DHRSX: variants seen among roughly 807,000 people sequenced by gnomAD.
The protein encoded by DHRSX is dehydrogenase/reductase X-linked.
Under a neutral mutation model 34.0 loss-of-function variants are expected in DHRSX, and 31 were observed. The ratio of observed to expected loss-of-function variants is 0.91; its 90% CI spans 0.69 to 1.23. The LOEUF is 1.23. Ranked by LOEUF, DHRSX falls within the 50% of genes most tolerant of loss-of-function variation. The probability of loss-of-function intolerance (pLI) is 0.00; values close to 1 mark genes in which losing one functional copy is unlikely to be tolerated. For missense variants in DHRSX, 414 were observed against 428.1 expected (o/e 0.97, Z 0.29); for synonymous variants, 201 against 183.8 (o/e 1.09, Z -0.76).
intron 2 of DHRSX, among the ~76,000 whole-genome samples, chrX:2,412,194 T>C (rs908683867): frequency 3.9e-5 from 6 of 152,232 alleles, no homozygotes; most frequent in African/African-American, 1.4e-4. Context: ...ATCCTTTGTA[T>C]TTGGGGGGGC....
chrX:2,481,946 C>T (rs1488427631), intron 1 of DHRSX, among the ~76,000 whole-genome samples: 144 of 151,102 alleles, frequency 9.5e-4, no homozygotes, highest in East Asian at 9.9e-4. Flanking sequence ...CTGATTTTCA[C>T]ATTGAAATTT....
intron 6 of DHRSX, among the ~76,000 whole-genome samples, chrX:2,230,587 C>T (rs951467608): frequency 6.6e-6 from 1 of 152,202 alleles, no homozygotes; most frequent in African/African-American, 2.4e-5. Context: ...ATATCATTAA[C>T]ATTTACAAAT....
intron 1 of DHRSX, among the ~76,000 whole-genome samples, chrX:2,484,119 C>G (rs1181606770): frequency 1.3e-5 from 2 of 152,060 alleles, no homozygotes; most frequent in African/African-American, 4.8e-5. Flanking sequence ...ATTACAGGTG[C>G]CCACCACCAT....
chrX:2,264,342 C>A (rs2041408285), intron 5 of DHRSX, among the ~76,000 whole-genome samples: 1 of 151,352 alleles, frequency 6.6e-6, no homozygotes. Flanking sequence ...CTGTGTCCAG[C>A]AGACTCAGGG....
chrX:2,456,553 G>A (rs2044299381), intron 1 of DHRSX, among the ~76,000 whole-genome samples: 2 of 147,984 alleles, frequency 1.4e-5, no homozygotes, highest in African/African-American at 5.0e-5. Flanking sequence ...GGCGGAGGTT[G>A]CAGTGAGCTG....
At chrX:2,382,754 T>TATC (rs1485735847) in intron 3 of DHRSX, among the ~76,000 whole-genome samples, 3 of 26,704 alleles carry the variant, frequency 1.1e-4, no homozygotes, top group African/African-American at 2.3e-4. Flanking sequence ...TCATCATCAC[T>TATC]ATCATCATCA....
At chrX:2,485,127 G>A (rs1362667282) in intron 1 of DHRSX, among the ~76,000 whole-genome samples, 3 of 152,108 alleles carry the variant, frequency 2.0e-5, no homozygotes, top group Non-Finnish European at 4.4e-5. Context: ...AAACCGAACC[G>A]AAAAATCCCA....
chrX:2,458,310 G>A (rs1170894779), intron 1 of DHRSX, among the ~76,000 whole-genome samples: 2 of 152,164 alleles, frequency 1.3e-5, no homozygotes, highest in Admixed American at 1.3e-4. Flanking sequence ...ATGTTGTGCA[G>A]GATCCAGTCA....
chrX:2,355,511 TAAAAA>T (rs767512287), intron 3 of DHRSX, among the ~76,000 whole-genome samples: 37 of 75,290 alleles, frequency 4.9e-4, no homozygotes, highest in African/African-American at 1.5e-3. Context: ...AGACCCCATC[TAAAAA>T]AAAAAAAAAA....
intron 5 of DHRSX, among the ~76,000 whole-genome samples, chrX:2,248,720 C>T (rs1044403608): frequency 1.3e-5 from 2 of 152,028 alleles, no homozygotes; most frequent in African/African-American, 4.8e-5. Context: ...ACCCCCTTCC[C>T]AGAGAGGGTC....
At chrX:2,316,980 C>T (rs1214534201) in intron 3 of DHRSX, among the ~76,000 whole-genome samples, 8 of 152,262 alleles carry the variant, frequency 5.3e-5, no homozygotes, top group Admixed American at 2.0e-4. Context: ...CTTTTTGAGA[C>T]GGAGTCTCCC....
chrX:2,426,348 T>C (rs1354799450), intron 1 of DHRSX, among the ~76,000 whole-genome samples: 1 of 152,044 alleles, frequency 6.6e-6, no homozygotes, highest in Admixed American at 6.6e-5. Flanking sequence ...CCCTTCCTTC[T>C]CTCCATCTTT....
intron 2 of DHRSX, among the ~76,000 whole-genome samples, chrX:2,421,787 C>T (rs751591444): frequency 1.3e-5 from 2 of 152,290 alleles, no homozygotes; most frequent in East Asian, 1.9e-4. Context: ...GCTATTGAAA[C>T]GCATGAGGCC....
chrX:2,403,375 G>A lies in DHRSX; in HGVS notation c.286+5370C>T, dbSNP rs772165207. Reference sequence around the variant, plus strand: ...TTAAACAGCCACAGAAAGTGCAAACGATTCTTTTCTTCTTTTCTGTAAGAT... The same window carrying A: ...TTAAACAGCCACAGAAAGTGCAAACAATTCTTTTCTTCTTTTCTGTAAGAT... On this transcript the variant is annotated intron_variant, in intron 3 of 6. Coordinates refer to ENST00000334651, the MANE Select transcript of DHRSX (RefSeq NM_145177.3). Among the ~76,000 whole-genome samples the A allele has an allele frequency of 7.2e-5, 11 of 152,220 alleles. No individual in the cohort carries two copies. The East Asian group carries it at 1.2e-3, about 16-fold the overall frequency.
intron 1 of DHRSX, among the ~76,000 whole-genome samples, chrX:2,433,603 G>C (rs1048054493): frequency 9.2e-5 from 14 of 151,938 alleles, no homozygotes; most frequent in Admixed American, 5.9e-4. Context: ...CCCTCCCTGC[G>C]TCCCTGTGTT....
At chrX:2,474,546 A>AT (rs2044644651) in intron 1 of DHRSX, among the ~76,000 whole-genome samples, 1 of 151,584 alleles carries the variant, frequency 6.6e-6, no homozygotes, top group South Asian at 2.1e-4. Flanking sequence ...TTCCTTAAGC[A>AT]TGTGGCCCAA....
At chrX:2,434,246 A>G (rs769793947) in intron 1 of DHRSX, among the ~76,000 whole-genome samples, 12 of 152,344 alleles carry the variant, frequency 7.9e-5, no homozygotes, top group Admixed American at 5.2e-4. Flanking sequence ...ATCACATGGA[A>G]TAGGTTAAAA....
chrX:2,310,993 G>A (rs1471317974), intron 3 of DHRSX, among the ~76,000 whole-genome samples: 5 of 151,410 alleles, frequency 3.3e-5, no homozygotes, highest in Non-Finnish European at 5.9e-5. Flanking sequence ...TCCGGGAGGC[G>A]GAGGTTGTAG....
intron 3 of DHRSX, among the ~76,000 whole-genome samples, chrX:2,292,456 G>C (rs1287378124): frequency 6.6e-6 from 1 of 152,186 alleles, no homozygotes; most frequent in East Asian, 1.9e-4. Flanking sequence ...GCAGCTGTGG[G>C]ATAGTAAGTA....
Sources: gnomAD v4.1 joint callset for allele counts (sites outside exome capture counted in the v4.1 genomes callset) on GRCh38, gnomAD v4.1.1 for gene constraint, MANE v1.5 for transcripts, NCBI Gene and HGNC (gene_info 2026-07-23, HGNC 2026-07-21) for gene names.